The following TAFA4 variants were observed in gnomAD, a reference collection of about 807,000 sequenced individuals.
TAFA4 encodes the protein TAFA chemokine like family member 4, also known as chemokine-like protein TAFA-4.
Under a neutral mutation model 21.1 loss-of-function variants are expected in TAFA4, and 20 were observed. The ratio of observed to expected loss-of-function variants is 0.95; its 90% CI spans 0.67 to 1.38. The LOEUF (loss-of-function observed/expected upper bound fraction) is 1.38. Among genes scored for constraint, TAFA4 ranks in the 40% most tolerant of loss-of-function variants. The probability of loss-of-function intolerance (pLI) is 0.00; values close to 1 mark genes in which losing one functional copy is unlikely to be tolerated. For missense variants in TAFA4, 211 were observed against 180.9 expected (o/e 1.17, Z -0.95); for synonymous variants, 71 against 67.4 (o/e 1.05, Z -0.26).
At chr3:68,926,195 C>A (rs1284501183) in intron 1 of TAFA4, among the ~76,000 whole-genome samples, 4 of 150,308 alleles carry the variant, frequency 2.7e-5, no homozygotes, top group African/African-American at 7.4e-5. Flanking sequence ...TGCCACTGCA[C>A]TCCAGCCTGG....
chr3:68,843,321 GCTCT>G lies in TAFA4; in HGVS notation c.130+37405_130+37408del, dbSNP rs561280857. ...TGAATGGGAGTTCACTCATGATTTG[GCTCT>G]CTGTCTATTATTGGTGTATAGTAAT... On this transcript the variant is annotated intron_variant, in intron 3 of 5. Coordinates refer to ENST00000295569, the MANE Select transcript of TAFA4 (RefSeq NM_182522.5). 5.6e-4 allele frequency among the ~76,000 whole-genome samples: 85 copies of G among 152,132 alleles called. 1 individual carries two copies. The highest frequency in any genetic ancestry group is 1.7e-3 in the African/African-American group (72 of 41,534).
At chr3:68,764,689 C>CTGTT (rs1489317666) in intron 3 of TAFA4, among the ~76,000 whole-genome samples, 4 of 152,152 alleles carry the variant, frequency 2.6e-5, no homozygotes, top group Admixed American at 2.0e-4. Flanking sequence ...ACTCCAGTTC[C>CTGTT]TGTTTGTCTG....
chr3:68,767,712 C>A (rs1422832236), intron 3 of TAFA4, among the ~76,000 whole-genome samples: 1 of 151,872 alleles, frequency 6.6e-6, no homozygotes, highest in Non-Finnish European at 1.5e-5. Flanking sequence ...ATTTCAAAAT[C>A]TAACCAGACA....
At chr3:68,893,985 G>T (rs2089759131) in intron 1 of TAFA4, among the ~76,000 whole-genome samples, 1 of 151,812 alleles carries the variant, frequency 6.6e-6, no homozygotes, top group Non-Finnish European at 1.5e-5. Flanking sequence ...ATAAACAAAA[G>T]ATATAATTTA....
intron 3 of TAFA4, among the ~76,000 whole-genome samples, chr3:68,789,464 T>C (rs1260949851): frequency 6.6e-6 from 1 of 152,200 alleles, no homozygotes; most frequent in Non-Finnish European, 1.5e-5. Flanking sequence ...GATAGATATG[T>C]TAATTAGCTC....
chr3:68,873,450 C>T (rs1031465418), intron 3 of TAFA4, among the ~76,000 whole-genome samples: 1 of 151,524 alleles, frequency 6.6e-6, no homozygotes, highest in African/African-American at 2.4e-5. Flanking sequence ...CTGAAAGCAA[C>T]TAACTAGACA....
At chr3:68,861,795 C>A (rs2089349623) in intron 3 of TAFA4, among the ~76,000 whole-genome samples, 1 of 152,022 alleles carries the variant, frequency 6.6e-6, no homozygotes, top group South Asian at 2.1e-4. Context: ...GAAAATCAAG[C>A]CTCCTGTGAC....
chr3:68,740,284 G>C (rs918552253), intron 4 of TAFA4, among the ~76,000 whole-genome samples: 1 of 152,150 alleles, frequency 6.6e-6, no homozygotes, highest in Admixed American at 6.5e-5. Flanking sequence ...GGTTACAATG[G>C]TATTGCAACT....
intron 3 of TAFA4, among the ~76,000 whole-genome samples, chr3:68,810,070 C>A (rs1220909130): frequency 6.6e-6 from 1 of 152,042 alleles, no homozygotes; most frequent in Non-Finnish European, 1.5e-5. Context: ...TTTTGTGGTT[C>A]CACATGAATT....
intron 3 of TAFA4, among the ~76,000 whole-genome samples, chr3:68,755,798 C>T (rs997266779): frequency 7.2e-5 from 11 of 152,140 alleles, no homozygotes; most frequent in Admixed American, 4.6e-4. Flanking sequence ...TTGTGCAGGC[C>T]CCTCCCACAT....
At chr3:68,758,126 T>A (rs2106761527) in intron 3 of TAFA4, among the ~76,000 whole-genome samples, 1 of 152,318 alleles carries the variant, frequency 6.6e-6, no homozygotes, top group Non-Finnish European at 1.5e-5. Flanking sequence ...ATAGCTTGTA[T>A]TTTACCAAGT....
intron 3 of TAFA4, among the ~76,000 whole-genome samples, chr3:68,813,964 C>T (rs1339452372): frequency 6.6e-6 from 1 of 152,192 alleles, no homozygotes; most frequent in Non-Finnish European, 1.5e-5. Flanking sequence ...AAACCTTATC[C>T]ACCATGATCA....
chr3:68,916,267 T>C (rs1454613865), intron 1 of TAFA4: 1 of 152,270 alleles, frequency 6.6e-6, no homozygotes, highest in East Asian at 1.9e-4. Context: ...GAATAAGTTG[T>C]AACTCACTTC....
In TAFA4 at chr3:68,741,816, A is replaced by G. The variant is rs780756523; in HGVS notation, c.287-2617T>C. 6.6e-5 allele frequency among the ~76,000 whole-genome samples: 10 copies of G among 152,102 alleles called. No individual in the cohort carries two copies. The Middle Eastern group carries it at 0.027, about 414-fold the overall frequency. On this transcript the variant is annotated intron_variant, in intron 4 of 5. Transcript: ENST00000295569. ...CAAAAAAAAATAAAAATAAAAATAA[A>G]AACTCTCCACTTTCTCTTCCAAAGA...
chr3:68,838,715 C>T (rs762346224), intron 3 of TAFA4, among the ~76,000 whole-genome samples: 9 of 152,086 alleles, frequency 5.9e-5, no homozygotes, highest in Non-Finnish European at 1.3e-4. Context: ...ATGAAAAAGA[C>T]ATACCATAGG....
chr3:68,815,235 A>G (rs1030414548), intron 3 of TAFA4, among the ~76,000 whole-genome samples: 4 of 152,218 alleles, frequency 2.6e-5, no homozygotes, highest in South Asian at 2.1e-4. Flanking sequence ...AGGCAATACC[A>G]TTCAGGACAT....
At chr3:68,843,990 T>C (rs889530767) in intron 3 of TAFA4, among the ~76,000 whole-genome samples, 3 of 152,200 alleles carry the variant, frequency 2.0e-5, no homozygotes, top group African/African-American at 7.2e-5. Context: ...TTTTTTGTTG[T>C]GTCTCTGCCA....
chr3:68,739,233 C>T, intron 4 of TAFA4, 34 bp from the exon 5 acceptor site: 4 of 1,611,340 alleles, frequency 2.5e-6, no homozygotes, highest in Non-Finnish European at 3.4e-6. Flanking sequence ...ATTTGTGACA[C>T]TGTTTCTTCC....
chr3:68,836,316 G>A (rs977847317), intron 3 of TAFA4, among the ~76,000 whole-genome samples: 1 of 152,220 alleles, frequency 6.6e-6, no homozygotes, highest in Admixed American at 6.5e-5. Context: ...CAAATGCTGA[G>A]AAGAGAGTGG....
Sources: gnomAD v4.1 joint callset for allele counts (sites outside exome capture counted in the v4.1 genomes callset) on GRCh38, gnomAD v4.1.1 for gene constraint, MANE v1.5 for transcripts, NCBI Gene and HGNC (gene_info 2026-07-23, HGNC 2026-07-21) for gene names.